The following ANKFN1 variants were observed in gnomAD, a reference collection of about 807,000 sequenced individuals.
ANKFN1 encodes the protein ankyrin repeat and fibronectin type-III domain-containing protein 1.
Under a neutral mutation model 108.7 loss-of-function variants are expected in ANKFN1, and 74 were observed. The ratio of observed to expected loss-of-function variants is 0.68; its 90% confidence interval spans 0.56 to 0.83. The LOEUF is 0.83. Ranked by LOEUF, ANKFN1 falls within the 40% of genes least tolerant of loss-of-function variation. The pLI, the probability that ANKFN1 is intolerant of heterozygous loss-of-function variation, is 0.00. For missense variants in ANKFN1, 1,505 were observed against 1,382.3 expected, an observed-to-expected ratio of 1.09 and a Z score of -1.41; for synonymous variants, 547 against 516.2, an observed-to-expected ratio of 1.06 and a Z score of -0.81.
At chr17:56,454,074 C>A (rs992893331) in intron 11 of ANKFN1, among the ~76,000 whole-genome samples, 8 of 152,106 alleles carry the variant, frequency 5.3e-5, no homozygotes, top group Non-Finnish European at 8.8e-5. Flanking sequence ...TTAAGTATTT[C>A]TTTGCCTTCT....
At chr17:56,067,756 C>G (rs1405822091) in intron 4 of ANKFN1, among the ~76,000 whole-genome samples, 1 of 152,154 alleles carries the variant, frequency 6.6e-6, no homozygotes, top group Non-Finnish European at 1.5e-5. Context: ...CCTCAGCTTA[C>G]CAGCTGCGAG....
chr17:56,176,703 C>T (rs74630541), intron 1 of ANKFN1, among the ~76,000 whole-genome samples: 5,285 of 152,204 alleles, frequency 0.035, 111 homozygotes, highest in Admixed American at 0.06. Flanking sequence ...AACTAGGTCA[C>T]CTGTCTTGTA....
chr17:56,301,034 A>G (rs2044656530), intron 3 of ANKFN1, among the ~76,000 whole-genome samples: 1 of 152,242 alleles, frequency 6.6e-6, no homozygotes, highest in Non-Finnish European at 1.5e-5. Context: ...AGAATTTGGC[A>G]TGCTTGTATT....
intron 3 of ANKFN1, among the ~76,000 whole-genome samples, chr17:56,315,226 G>A (rs954747054): frequency 6.6e-6 from 1 of 152,202 alleles, no homozygotes; most frequent in Non-Finnish European, 1.5e-5. Flanking sequence ...TGGTGAATAT[G>A]TAGCATGATT....
At chr17:56,441,387 T>A (rs1169670272) in intron 9 of ANKFN1, among the ~76,000 whole-genome samples, 1 of 152,132 alleles carries the variant, frequency 6.6e-6, no homozygotes, top group Non-Finnish European at 1.5e-5. Context: ...TTCTTCAAGT[T>A]TAAACCTGCT....
intron 8 of ANKFN1, among the ~76,000 whole-genome samples, chr17:56,388,079 T>C (rs1227917589): frequency 6.6e-6 from 1 of 152,158 alleles, no homozygotes; most frequent in African/African-American, 2.4e-5. Context: ...TTTTTAGTTC[T>C]AGCAGTTACC....
intron 1 of ANKFN1, among the ~76,000 whole-genome samples, chr17:56,178,118 G>T (rs774260080): frequency 1.3e-5 from 2 of 152,074 alleles, no homozygotes; most frequent in African/African-American, 4.8e-5. Context: ...TCTTCACCAA[G>T]TTGAAAAGTC....
intron 19 of ANKFN1, 59 bp downstream of exon 19, chr17:56,492,412 G>A (rs2051070113): frequency 5.9e-6 from 4 of 683,570 alleles, no homozygotes; most frequent in Non-Finnish European, 1.1e-5. Flanking sequence ...TGGAAAGGGT[G>A]AAAAGCCAAG....
intron 1 of ANKFN1, among the ~76,000 whole-genome samples, chr17:56,192,559 AAAAC>A (rs1913057236): frequency 9.0e-5 from 1 of 11,132 alleles, no homozygotes; most frequent in Non-Finnish European, 1.8e-4. Context: ...TTACAAGAAA[AAAAC>A]AAACAACCCC....
intron 1 of ANKFN1, among the ~76,000 whole-genome samples, chr17:56,172,915 G>A (rs571711138): frequency 7.9e-5 from 12 of 152,208 alleles, no homozygotes; most frequent in African/African-American, 2.4e-4. Context: ...ATCTGTTGTC[G>A]GCACTGCACA....
chr17:56,489,747 T>C (rs573645138), intron 18 of ANKFN1, among the ~76,000 whole-genome samples: 106 of 152,272 alleles, frequency 7.0e-4, no homozygotes, highest in African/African-American at 2.3e-3. Context: ...TACCTCTTGG[T>C]TCAGAAAGGC....
intron 4 of ANKFN1, among the ~76,000 whole-genome samples, chr17:56,343,073 G>C (rs2144630051): frequency 6.6e-6 from 1 of 151,986 alleles, no homozygotes; most frequent in South Asian, 2.1e-4. Context: ...TTTTGTTGTT[G>C]TTCTTTGTTG....
intron 3 of ANKFN1, among the ~76,000 whole-genome samples, chr17:56,230,869 C>T (rs1294570353): frequency 6.6e-6 from 1 of 152,074 alleles, no homozygotes; most frequent in East Asian, 1.9e-4. Flanking sequence ...CCCTGGCTCT[C>T]ATTCAATGCC....
intron 8 of ANKFN1, among the ~76,000 whole-genome samples, chr17:56,426,614 A>G (rs4141032): frequency 0.67 from 102,298 of 152,164 alleles, 34,963 homozygotes; most frequent in East Asian, 0.96. Context: ...CAAAATAGAG[A>G]TAACTACAGC....
At chr17:56,349,393 G>GAAA (rs397690706) in intron 4 of ANKFN1, among the ~76,000 whole-genome samples, 1 of 146,482 alleles carries the variant, frequency 6.8e-6, no homozygotes, top group South Asian at 2.2e-4. Context: ...TTAAAAGCTG[G>GAAA]AAAAAAAAAA....
At chr17:56,446,975 C>G (rs879700840) in intron 10 of ANKFN1, among the ~76,000 whole-genome samples, 14 of 151,386 alleles carry the variant, frequency 9.2e-5, no homozygotes, top group Non-Finnish European at 1.6e-4. Context: ...GTAGTCCTAG[C>G]ACTTTGGGAA....
intron 4 of ANKFN1, among the ~76,000 whole-genome samples, chr17:56,089,743 G>A (rs1183281656): frequency 1.3e-5 from 2 of 151,352 alleles, no homozygotes; most frequent in Non-Finnish European, 1.5e-5. Context: ...AAGGCTCTAG[G>A]GTGTAATGGA....
At chr17:56,387,300 G>A (rs1038541212) in intron 8 of ANKFN1, among the ~76,000 whole-genome samples, 2 of 151,996 alleles carry the variant, frequency 1.3e-5, no homozygotes, top group Non-Finnish European at 2.9e-5. Context: ...GGCTGTAAAT[G>A]TTCCCCTGAG....
chr17:56,127,340 C>T (rs1002493475), intron 4 of ANKFN1, among the ~76,000 whole-genome samples: 1 of 151,642 alleles, frequency 6.6e-6, no homozygotes. Context: ...TTTTGAGAGA[C>T]TCTTGCTCTG....
Sources: allele counts gnomAD v4.1 joint callset (sites outside exome capture counted in the v4.1 genomes callset), GRCh38; gene constraint gnomAD v4.1.1; transcripts MANE v1.5; gene names NCBI Gene and HGNC (gene_info 2026-07-23, HGNC 2026-07-21).